Variants in IGDCC4 observed in about 807,000 individuals in gnomAD.
IGDCC4 encodes likely ortholog of mouse neighbor of Punc E11.
Under a neutral mutation model 116.6 loss-of-function variants are expected in IGDCC4, and 72 were observed. That is an observed-to-expected ratio of 0.62 (90% CI 0.51 to 0.75). IGDCC4 has a LOEUF of 0.75. Ranked by LOEUF, IGDCC4 falls within the 30% of genes least tolerant of loss-of-function variation. IGDCC4 has a pLI of 0.00. For synonymous variants in IGDCC4, 709 were observed against 719.9 expected, an observed-to-expected ratio of 0.98 and a Z score of 0.24; for missense variants, 1,501 against 1,662.4, an observed-to-expected ratio of 0.90 and a Z score of 1.69.
Position 65,386,582 on chromosome 15 carries a change from T to G in IGDCC4, c.2920A>C (p.Met974Leu), listed in dbSNP as rs2091462179. 4 of 1,610,700 alleles carry G rather than the reference T, an allele frequency of 2.5e-6. No homozygotes were observed. In the South Asian group the frequency reaches 4.4e-5, roughly 18 times the overall value. ...GGGCTGCGGCGCAGGCCAGCACACA[T>G]GCAGGCCAGGAGGCAGAGGAGGCCC... is the stretch of plus-strand genomic sequence containing the variant. The part of the protein sequence containing the change: ...CLGLLCLLAC[M>L]CAGLRRSPHR... The change falls in exon 17 of 20, where the codon ATG (methionine) becomes CTG (leucine). Residue 974 changes from methionine to leucine, a missense_variant. This residue lies in a region of IGDCC4 where 368 missense variants were observed against 355.6 expected (regional missense o/e 1.03). Coordinates refer to ENST00000352385, the MANE Select transcript of IGDCC4 (RefSeq NM_020962.3).
chr15:65,412,884 G>A (rs2063110090), intron 1 of IGDCC4, among the ~76,000 whole-genome samples: 1 of 152,124 alleles, frequency 6.6e-6, no homozygotes, highest in Non-Finnish European at 1.5e-5. Context: ...GTAACAGAGT[G>A]AGATCCTGTC....
At chr15:65,422,459 G>T (rs959768055) in intron 1 of IGDCC4, among the ~76,000 whole-genome samples, 1 of 146,394 alleles carries the variant, frequency 6.8e-6, no homozygotes, top group Non-Finnish European at 1.5e-5. Flanking sequence ...GCAGCTACCC[G>T]CCCCGCCGAT....
chr15:65,392,131 C>G lies in IGDCC4; in HGVS notation c.2122+3G>C. ...CCCTCCCCCTCCCCCCAGCCCTCCT[C>G]ACCTAGCTGGGTCAGCTCATACTGC... On this transcript the variant is annotated splice_donor_region_variant and intron_variant, in intron 11 of 19. Coordinates refer to ENST00000352385, the MANE Select transcript of IGDCC4 (RefSeq NM_020962.3). 6.3e-7 allele frequency: 1 copy of G among 1,585,398 alleles called. No individual in the cohort carries two copies. The highest frequency in any genetic ancestry group is 8.6e-7 in the Non-Finnish European group (1 of 1,161,500).
chr15:65,393,236 C>T lies in IGDCC4; in HGVS notation c.1885+125G>A, dbSNP rs895028940. 7.8e-6 allele frequency: 8 copies of T among 1,020,346 alleles called. No homozygotes were observed. Among genetic ancestry groups the T allele is most frequent in the African/African-American group, 5.0e-5 (3 of 60,474 alleles). The allele number at this position is 1,020,346 out of a possible 1,614,324, so 63.2% of individuals were successfully genotyped here. A position where few individuals can be genotyped will look rare whatever the true frequency, so the allele number is the denominator to read the frequency against. On this transcript the variant is annotated intron_variant, in intron 10 of 19. Coordinates refer to ENST00000352385, the MANE Select transcript of IGDCC4 (RefSeq NM_020962.3). The surrounding 1 kb of genome is among the most constrained non-coding windows in gnomAD (Gnocchi z 4.6). ...ACCTAAGCCTCACTCACCCATCAAG[C>T]GGAGGGAGCCATGGAAGGTCTCTGA...
In IGDCC4 at chr15:65,393,596, A is replaced by G; in HGVS notation, c.1715-65T>C. 6.7e-7 allele frequency: 1 copy of G among 1,482,866 alleles called. No homozygotes were observed. Among genetic ancestry groups the G allele is most frequent in the South Asian group, 1.3e-5 (1 of 75,518 alleles). The allele number at this position is 1,482,866 out of a possible 1,614,324, so 91.9% of individuals were successfully genotyped here. A position where few individuals can be genotyped will look rare whatever the true frequency, so the allele number is the denominator to read the frequency against. ...GAGGAACAGGATCCTAAACCCCCCT[A>G]CATGGCTCTTCCGCCTCACATCCCG... On this transcript the variant is annotated intron_variant, in intron 9 of 19. Transcript: ENST00000352385. The surrounding 1 kb of genome is among the most constrained non-coding windows in gnomAD (Gnocchi z 4.6).
At position 65,396,893 on chromosome 15, in the gene IGDCC4, C is replaced by A; in HGVS notation, c.938G>T (p.Arg313Leu). The A allele has an allele frequency of 6.3e-7, 1 of 1,575,562 alleles. No individual in the cohort carries two copies. Among genetic ancestry groups the A allele is most frequent in the South Asian group, 1.2e-5 (1 of 85,918 alleles). ...GTCGCGCGTGCGGGGCTTGTTGGCG[C>A]GGCAGACATAGACGCCGGAGTGCCA... ...QPWHSGVYVC[R>L]ANKPRTRDFA... The change falls in exon 6 of 20, where the codon CGC becomes CTC. Residue 313 changes from arginine (R) to leucine (L), a missense_variant. Arg to Leu is a moderately radical substitution (Grantham distance 102). Transcript: ENST00000352385.
At chr15:65,414,547 A>G (rs920893161) in intron 1 of IGDCC4, among the ~76,000 whole-genome samples, 1 of 152,236 alleles carries the variant, frequency 6.6e-6, no homozygotes, top group African/African-American at 2.4e-5. Flanking sequence ...CCACATGAAG[A>G]TGATACCACT....
chr15:65,410,728 G>A (rs866454214), intron 2 of IGDCC4: 9 of 482,972 alleles, frequency 1.9e-5, no homozygotes, highest in Admixed American at 1.1e-4. Flanking sequence ...TGACACAAAG[G>A]GGGCACTCTG....
rs753943829 is a variant in IGDCC4, at chr15:65,383,885, C to T, written c.*124G>A. 9.7e-5 allele frequency: 90 copies of T among 923,090 alleles called. No homozygotes were observed. The highest frequency in any genetic ancestry group is 1.3e-4 in the Non-Finnish European group (86 of 642,870). The allele number at this position is 923,090 out of a possible 1,614,324, so 57.2% of individuals were successfully genotyped here. A position where few individuals can be genotyped will look rare whatever the true frequency, so the allele number is the denominator to read the frequency against. ...TTTCCTCTCCCCTCAGCCAAAGCAA[C>T]TTAGGAAGCTCCAAAGGGCTTGATG... On this transcript the variant is annotated 3_prime_UTR_variant, in exon 20 of 20. Coordinates refer to ENST00000352385, the MANE Select transcript of IGDCC4 (RefSeq NM_020962.3).
intron 13 of IGDCC4, among the ~76,000 whole-genome samples, chr15:65,389,941 AC>A (rs1026408518): frequency 2.0e-5 from 3 of 152,034 alleles, no homozygotes; most frequent in African/African-American, 7.2e-5. Context: ...TTGTGAGGGG[AC>A]GGGATTGGAT....
chr15:65,383,992 A>G lies in IGDCC4; in HGVS notation c.*17T>C, dbSNP rs2091427408. On this transcript the variant is annotated 3_prime_UTR_variant, in exon 20 of 20. Transcript: ENST00000352385. ...GATCCATACCTGCCTGCCCCAAACCACATCCTCTGGGAAGAGCTAGGCAGA... is the reference window on the plus strand; with the variant it reads ...GATCCATACCTGCCTGCCCCAAACCGCATCCTCTGGGAAGAGCTAGGCAGA... The G allele has an allele frequency of 6.4e-7, 1 of 1,556,712 alleles. No individual in the cohort carries two copies. Among genetic ancestry groups the G allele is most frequent in the Admixed American group, 1.9e-5 (1 of 53,674 alleles).
chr15:65,393,085 C>G lies in IGDCC4; in HGVS notation c.1885+276G>C, dbSNP rs1265113757. Among the ~76,000 whole-genome samples the G allele has an allele frequency of 6.6e-6, 1 of 152,190 alleles. No individual in the cohort carries two copies. The highest frequency in any genetic ancestry group is 1.5e-5 in the Non-Finnish European group (1 of 68,026). On this transcript the variant is annotated intron_variant, in intron 10 of 19. Coordinates refer to ENST00000352385, the MANE Select transcript of IGDCC4 (RefSeq NM_020962.3). The surrounding 1 kb of genome is among the most constrained non-coding windows in gnomAD (Gnocchi z 4.6). ...ATTCAATGAGTTTTTATGTACTAAG[C>G]ACTTTAGTTACAATACATTATTCAA...
At chr15:65,415,758 C>G (rs978583339) in intron 1 of IGDCC4, among the ~76,000 whole-genome samples, 5 of 152,200 alleles carry the variant, frequency 3.3e-5, no homozygotes, top group Non-Finnish European at 7.3e-5. Context: ...GTTCTCTCTG[C>G]CTCTGTGCTC....
chr15:65,422,817 T>G lies in IGDCC4; in HGVS notation c.46A>C (p.Thr16Pro), dbSNP rs1394562872. The G allele has an allele frequency of 7.9e-7, 1 of 1,269,332 alleles. No individual in the cohort carries two copies. The highest frequency in any genetic ancestry group is 9.9e-7 in the Non-Finnish European group (1 of 1,005,390). 78.6% of individuals were successfully genotyped at this position (1,269,332 alleles called of 1,614,324 possible). The change falls in exon 1 of 20, where the codon ACC (threonine) becomes CCC (proline). Residue 16 changes from threonine (T) to proline (P), a missense_variant. By Grantham distance (38) the Thr-to-Pro change is conservative. Transcript: ENST00000352385. ...CCGCGCGCGGCCAACAGGCAGAAGG[T>G]CAACGCGAGGAGCCCGCGGCCGCGG... Reference protein sequence around the residue: ...AGRGRGLLALTFCLLAARGEL... With the variant: ...AGRGRGLLALPFCLLAARGEL...
At chr15:65,413,024 ATGTG>A (rs59690408) in intron 1 of IGDCC4, among the ~76,000 whole-genome samples, 28,552 of 145,894 alleles carry the variant, frequency 0.2, 3,409 homozygotes, top group African/African-American at 0.32. Flanking sequence ...GTGTGAGAAA[ATGTG>A]TGTGTGTGTG....
rs1316142312 is a variant in IGDCC4, at chr15:65,385,061, C to G, written c.3235G>C (p.Glu1079Gln). Residue 1079 changes from glutamate (E) to glutamine (Q), a missense_variant, in exon 19 of 20, where the codon GAG becomes CAG. Around this residue, in one of 3 missense-constraint regions of IGDCC4, gnomAD observed 368 missense variants for 355.6 expected, o/e 1.03. Transcript: ENST00000352385. ...GGCCGGGGGCCTGCCTGGGGCAGCTCACAGCCTGCCCAGGAACCAGCCCAG... is the reference window on the plus strand; with the variant it reads ...GGCCGGGGGCCTGCCTGGGGCAGCTGACAGCCTGCCCAGGAACCAGCCCAG... ...LSWAGSWAGC[E>Q]LPQAGPRPAL... is the part of the protein sequence containing the mutation. 1 of 1,603,256 alleles carries G rather than the reference C, an allele frequency of 6.2e-7. No individual in the cohort carries two copies. The highest frequency in any genetic ancestry group is 1.3e-5 in the African/African-American group (1 of 74,216).
chr15:65,402,316 A>T (rs995652702), intron 4 of IGDCC4, 35 bp downstream of exon 4: 50 of 1,550,302 alleles, frequency 3.2e-5, no homozygotes, highest in Non-Finnish European at 4.3e-5. Context: ...GGTTCCAGAA[A>T]CCCCCAGGTT....
chr15:65,411,294 T>C lies in IGDCC4; in HGVS notation c.147A>G (p.Pro49=), dbSNP rs1253201673. Residue 49 remains proline (P), a synonymous_variant, in exon 2 of 20, where the codon CCA becomes CCG. Coordinates refer to ENST00000352385, the MANE Select transcript of IGDCC4 (RefSeq NM_020962.3). Reference sequence around the variant, plus strand: ...TACAGTTTAGCACTGCAGCCTGCTCTGGGCCCAGGATCACTTGCAGTGGCC... The same window carrying C: ...TACAGTTTAGCACTGCAGCCTGCTCCGGGCCCAGGATCACTTGCAGTGGCC... ...GVGPLQVILG[P]EQAAVLNCSL... is the part of the protein sequence containing the mutation. 1.2e-6 allele frequency: 2 copies of C among 1,612,384 alleles called. No individual in the cohort carries two copies. Among genetic ancestry groups the C allele is most frequent in the South Asian group, 2.2e-5 (2 of 90,880 alleles).
intron 3 of IGDCC4, among the ~76,000 whole-genome samples, chr15:65,405,309 GTT>G (rs56300756): frequency 7.0e-6 from 1 of 142,448 alleles, no homozygotes; most frequent in Admixed American, 7.0e-5. Flanking sequence ...TGTTAAGTGG[GTT>G]TTTTTTTTTT....
Sources: gnomAD v4.1 joint callset for allele counts (sites outside exome capture counted in the v4.1 genomes callset) on GRCh38, gnomAD v4.1.1 for gene constraint, gnomAD v4.1.1 regional missense constraint, Gnocchi (gnomAD v3.1) non-coding constraint, MANE v1.5 for transcripts, NCBI Gene and HGNC (gene_info 2026-07-23, HGNC 2026-07-21) for gene names.